TMPRSS9: variants seen among roughly 807,000 people sequenced by gnomAD.
The protein encoded by TMPRSS9 is transmembrane serine protease 9, also known as transmembrane protease serine 9.
In TMPRSS9, 113 loss-of-function variants were observed where a neutral mutation model predicts 111.4. The observed-to-expected ratio is 1.01, with a 90% CI of 0.87 to 1.19. The LOEUF (loss-of-function observed/expected upper bound fraction) is 1.19, where lower values mean the gene tolerates loss of function less well. Among genes scored for constraint, TMPRSS9 ranks in the 50% most tolerant of loss-of-function variants. TMPRSS9 has a pLI of 0.00. For synonymous variants in TMPRSS9, 805 were observed against 659.1 expected (o/e 1.22, Z -3.39); for missense variants, 1,803 against 1,513.1 (o/e 1.19, Z -3.18).
chr19:2,414,126 A>G (rs1465426225), intron 10 of TMPRSS9, 108 bp downstream of exon 11: 1 of 1,206,366 alleles, frequency 8.3e-7, no homozygotes, highest in African/African-American at 1.5e-5. Context: ...CTGTTCAAGG[A>G]AAGGTCACAT....
intron 1 of TMPRSS9, among the ~76,000 whole-genome samples, chr19:2,368,773 A>ATTTTTTTTTTT (rs1970265819): frequency 6.6e-5 from 4 of 60,228 alleles, no homozygotes; most frequent in Admixed American, 3.8e-4. Context: ...GGATAAACCC[A>ATTTTTTTTTTT]GTTTTTTTTT....
chr19:2,384,521 A>G (rs61156048), intron 1 of TMPRSS9, among the ~76,000 whole-genome samples: 9,614 of 152,056 alleles, frequency 0.063, 1,008 homozygotes, highest in African/African-American at 0.22. Context: ...AAGTACAAAG[A>G]TTAGCTGGGT....
upstream of TMPRSS9, among the ~76,000 whole-genome samples, chr19:2,388,271 T>G (rs939830788): frequency 1.3e-5 from 2 of 151,762 alleles, no homozygotes; most frequent in Non-Finnish European, 2.9e-5. Flanking sequence ...CACGTGGCCC[T>G]AGCTACTAGG....
intron 1 of TMPRSS9, among the ~76,000 whole-genome samples, chr19:2,395,253 A>G (rs923484671): frequency 2.0e-5 from 3 of 152,086 alleles, no homozygotes; most frequent in Non-Finnish European, 4.4e-5. Flanking sequence ...TCCAGTCTGT[A>G]CTAAAAATAC....
intron 7 of TMPRSS9, among the ~76,000 whole-genome samples, chr19:2,407,617 T>TTTC (rs1568182963): frequency 4.3e-5 from 6 of 139,540 alleles, no homozygotes; most frequent in African/African-American, 1.6e-4. Flanking sequence ...TCTTTTTTTT[T>TTTC]TTTTTTTTTT....
At chr19:2,413,351 C>T (rs773613039) in intron 9 of TMPRSS9, among the ~76,000 whole-genome samples, 11 of 152,218 alleles carry the variant, frequency 7.2e-5, no homozygotes, top group South Asian at 2.1e-4. Flanking sequence ...GAGGCACCCG[C>T]GTGGCAGCCA....
intron 1 of TMPRSS9, among the ~76,000 whole-genome samples, chr19:2,363,813 C>CGCGCGCGCGT (rs1445768519): frequency 4.4e-5 from 5 of 112,808 alleles, no homozygotes; most frequent in African/African-American, 1.7e-4. Flanking sequence ...TGCGTGCGCG[C>CGCGCGCGCGT]GTGTGTGTGT....
At chr19:2,421,935 T>C (rs770147146) in exon 14 of TMPRSS9, 24 of 1,613,158 alleles carry the variant, frequency 1.5e-5, no homozygotes, top group Non-Finnish European at 1.8e-5. Flanking sequence ...GGGTATTGGC[T>C]GCGCTCAGGT....
chr19:2,422,562 G>A (rs189573944), intron 14 of TMPRSS9, among the ~76,000 whole-genome samples: 4 of 152,002 alleles, frequency 2.6e-5, no homozygotes, highest in East Asian at 3.9e-4. Context: ...GGCAACAAGC[G>A]AAACTCCGTC....
At chr19:2,421,894 G>A (rs377167838) in exon 14 of TMPRSS9, 2 of 1,612,218 alleles carry the variant, frequency 1.2e-6, no homozygotes, top group African/African-American at 1.3e-5. Flanking sequence ...GAGGCCCCTG[G>A]CGTGTTTTAT....
In TMPRSS9 at chr19:2,415,813, C is replaced by A. The variant is rs755977096; in HGVS notation, c.1717C>A (p.Leu573Met). Residue 573 changes from leucine (L) to methionine (M), a missense_variant, in exon 11 of 18, where the codon CTG (leucine) becomes ATG (methionine). Coordinates refer to ENST00000648592, the Ensembl canonical transcript of TMPRSS9. ...AGCAACTGTGGTGGGGGACCGCTGG[C>A]TGCTGTCTGCCGCCCACTGCTTCAA... is the stretch of plus-strand genomic sequence containing the variant. The A allele has an allele frequency of 4.4e-6, 7 of 1,601,246 alleles. No homozygotes were observed. The East Asian group carries it at 1.6e-4, about 36-fold the overall frequency.
intron 1 of TMPRSS9, among the ~76,000 whole-genome samples, chr19:2,361,897 C>A (rs533713359): frequency 6.6e-6 from 1 of 152,288 alleles, no homozygotes; most frequent in East Asian, 1.9e-4. Flanking sequence ...CCCCGCAGGA[C>A]ACCTGTGGTC....
chr19:2,382,730 TACGCACAA>T (rs1970401251), intron 1 of TMPRSS9, among the ~76,000 whole-genome samples: 1 of 149,438 alleles, frequency 6.7e-6, no homozygotes, highest in Admixed American at 6.7e-5. Flanking sequence ...CACAGATACA[TACGCACAA>T]ACGCACACAT....
At chr19:2,384,227 CA>C (rs1336139254) in intron 1 of TMPRSS9, among the ~76,000 whole-genome samples, 2 of 152,178 alleles carry the variant, frequency 1.3e-5, no homozygotes, top group African/African-American at 4.8e-5. Flanking sequence ...CACAGCATCC[CA>C]GGGGAGCTGA....
At chr19:2,398,096 C>G (rs1397915396) in intron 2 of TMPRSS9, among the ~76,000 whole-genome samples, 15 of 150,200 alleles carry the variant, frequency 1.0e-4, no homozygotes, top group Admixed American at 9.9e-4. Context: ...GAGTTCAAGA[C>G]CAGCCTGGCC....
In TMPRSS9 at chr19:2,395,866, C is replaced by T. The variant is rs1340153732; in HGVS notation, c.143-673C>T. On this transcript the variant is annotated intron_variant, in intron 1 of 17. Coordinates refer to ENST00000648592, the Ensembl canonical transcript of TMPRSS9. The stretch of plus-strand genomic sequence containing the variant: ...ACTAAAAATACAAAAAAATTAGCCA[C>T]GCGTGGTCGTGGGTGCCTGTAGTCC... Among the ~76,000 whole-genome samples the T allele has an allele frequency of 5.9e-5, 9 of 151,560 alleles. No individual in the cohort carries two copies. In the East Asian group the frequency reaches 7.9e-4, roughly 13 times the overall value.
chr19:2,380,724 A>G (rs909057130), intron 1 of TMPRSS9, among the ~76,000 whole-genome samples: 1 of 152,098 alleles, frequency 6.6e-6, no homozygotes, highest in East Asian at 1.9e-4. Flanking sequence ...CCCTGTCAGA[A>G]TCCTGACCCC....
exon 8 of TMPRSS9, chr19:2,408,527 C>A (rs141252745): frequency 6.2e-7 from 1 of 1,613,816 alleles, no homozygotes; most frequent in South Asian, 1.1e-5. Flanking sequence ...CTCTGCCTTT[C>A]GGCCGGCACA....
chr19:2,426,235 TC>T (rs1971629576), exon 18 of TMPRSS9: 3 of 894,330 alleles, frequency 3.4e-6, no homozygotes, highest in African/African-American at 1.8e-5. Flanking sequence ...CACCCTTTGT[TC>T]CAATAAACAC....
Sources: gnomAD v4.1 joint callset for allele counts (sites outside exome capture counted in the v4.1 genomes callset) on GRCh38, gnomAD v4.1.1 for gene constraint, MANE v1.5 for transcripts, NCBI Gene and HGNC (gene_info 2026-07-23, HGNC 2026-07-21) for gene names.